The following MKRN1 variants were observed in gnomAD, a reference collection of about 807,000 sequenced individuals.
MKRN1 encodes makorin ring finger protein 1.
MKRN1 carries 9 observed loss-of-function variants against 55.5 expected under a neutral mutation model. The observed-to-expected ratio is 0.16, with a 90% confidence interval of 0.10 to 0.28. The LOEUF is 0.28. MKRN1 is among the 10% of genes least tolerant of loss of function. The probability of loss-of-function intolerance (pLI) is 1.00; values close to 1 mark genes in which losing one functional copy is unlikely to be tolerated. For synonymous variants in MKRN1, 253 were observed against 235.9 expected (o/e 1.07, Z -0.66); for missense variants, 488 against 626.7 (o/e 0.78, Z 2.36).
At chr7:140,475,172 T>C (rs1417923743) in intron 1 of MKRN1, 2 of 400,626 alleles carry the variant, frequency 5.0e-6, no homozygotes, top group African/African-American at 2.2e-5. Flanking sequence ...TGAAACCCCA[T>C]CTCTACTAAA....
At position 140,459,148 on chromosome 7, in the gene MKRN1, C is replaced by A. The variant is rs1204647932; in HGVS notation, c.630G>T (p.Lys210Asn). 6.2e-7 allele frequency: 1 copy of A among 1,613,954 alleles called. No homozygotes were observed. Among genetic ancestry groups the A allele is most frequent in the Non-Finnish European group, 8.5e-7 (1 of 1,179,864 alleles). Reference protein sequence around the residue: ...SEKEQTAVETKKQLCPYAAVG... With the variant: ...SEKEQTAVETNKQLCPYAAVG... ...CTGCAGCATAGGGGCACAGCTGCTT[C>A]TTTGTCTCCACGGCGGTTTGCTCTT... The change falls in exon 4 of 8, where the codon AAG becomes AAT. Residue 210 changes from lysine (K) to asparagine (N), a missense_variant. Coordinates refer to ENST00000255977, the MANE Select transcript of MKRN1 (RefSeq NM_013446.4).
chr7:140,474,721 CTT>C (rs10706027), intron 1 of MKRN1, among the ~76,000 whole-genome samples: 70 of 138,998 alleles, frequency 5.0e-4, no homozygotes, highest in African/African-American at 1.1e-3. Flanking sequence ...TTCCTTCTTT[CTT>C]TTTTTTTTTT....
chr7:140,456,146 T>TA (rs556675115), intron 5 of MKRN1: 586 of 1,171,120 alleles, frequency 5.0e-4, no homozygotes, highest in Non-Finnish European at 5.9e-4. Flanking sequence ...ATAACTTAGG[T>TA]AAAAAACAAA....
At chr7:140,470,533 C>T (rs1347674470) in intron 2 of MKRN1, among the ~76,000 whole-genome samples, 6 of 149,906 alleles carry the variant, frequency 4.0e-5, no homozygotes, top group South Asian at 2.1e-4. Context: ...TGCAGTGAGC[C>T]GAAATTGCGC....
intron 2 of MKRN1, among the ~76,000 whole-genome samples, chr7:140,463,667 C>G (rs929752032): frequency 3.9e-5 from 6 of 151,980 alleles, no homozygotes; most frequent in African/African-American, 1.4e-4. Context: ...GGGCGGATCA[C>G]AAGGTCAGGA....
At chr7:140,478,917 A>C in intron 1 of MKRN1, 1 of 354,792 alleles carries the variant, frequency 2.8e-6, no homozygotes, top group Non-Finnish European at 4.8e-6. Context: ...GCTCCGCAGT[A>C]ATCGCGCACC....
At chr7:140,474,349 A>AC (rs1491223682) in intron 1 of MKRN1, 83 of 227,600 alleles carry the variant, frequency 3.6e-4, no homozygotes, top group African/African-American at 1.7e-3. Context: ...TACAAAAAAA[A>AC]CAAACAATTA....
chr7:140,473,210 C>CAA (rs534529617), intron 1 of MKRN1: 9,200 of 365,024 alleles, frequency 0.025, 37 homozygotes, highest in African/African-American at 0.043. Context: ...ATGATACCAC[C>CAA]AAAAAAAAAA....
At chr7:140,468,834 CAA>C (rs1220094333) in intron 2 of MKRN1, among the ~76,000 whole-genome samples, 2 of 149,616 alleles carry the variant, frequency 1.3e-5, no homozygotes, top group African/African-American at 2.5e-5. Context: ...AGCAACTAAA[CAA>C]AGTTTCTATG....
intron 4 of MKRN1, 90 bp downstream of exon 4, chr7:140,458,917 A>C (rs1175690169): frequency 1.5e-6 from 2 of 1,366,066 alleles, no homozygotes; most frequent in Non-Finnish European, 2.0e-6. Flanking sequence ...CAATTCATCA[A>C]ATGTTTCTCT....
At position 140,479,209 on chromosome 7, in the gene MKRN1, C is replaced by T; in HGVS notation, c.136G>A (p.Gly46Ser). Residue 46 changes from glycine (G) to serine (S), a missense_variant, in exon 1 of 8, where the codon GGC (glycine) becomes AGC (serine). Gly to Ser is a moderately conservative substitution (Grantham distance 56, BLOSUM62 0). Transcript: ENST00000255977. ...APSLGAGGGG[G>S]GSDGSGGGWT... ...CCGCCGCCGCTGCCGTCGCTGCCGC[C>T]GCCCCCTCCGCCCGCCCCCAGGGAC... 6.8e-7 allele frequency: 1 copy of T among 1,464,132 alleles called. No homozygotes were observed. Among genetic ancestry groups the T allele is most frequent in the Non-Finnish European group, 9.0e-7 (1 of 1,108,726 alleles). 90.7% of individuals were successfully genotyped at this position (1,464,132 alleles called of 1,614,324 possible).
At chr7:140,471,787 T>C (rs1039274405) in intron 2 of MKRN1, 96 bp downstream of exon 2, 3 of 1,492,610 alleles carry the variant, frequency 2.0e-6, no homozygotes, top group Admixed American at 2.0e-5. Flanking sequence ...TTTCAAAGCA[T>C]TATTTTTAAT....
chr7:140,459,282 A>T, intron 3 of MKRN1, 49 bp from the exon 4 acceptor site: 2 of 1,566,504 alleles, frequency 1.3e-6, no homozygotes, highest in African/African-American at 2.7e-5. Context: ...TAAGGCATGA[A>T]CTATAAGAGA....
chr7:140,463,125 T>C (rs1794671064), intron 2 of MKRN1, among the ~76,000 whole-genome samples: 1 of 152,216 alleles, frequency 6.6e-6, no homozygotes, highest in South Asian at 2.1e-4. Flanking sequence ...CTCTTAAGCC[T>C]TAGGTAAACT....
In MKRN1 at chr7:140,454,288, C is replaced by A. The variant is rs1794406731; in HGVS notation, c.*229G>T. 3.2e-5 allele frequency: 18 copies of A among 560,166 alleles called. 1 individual carries two copies. The South Asian group carries it at 3.8e-4, about 12-fold the overall frequency. 34.7% of individuals were successfully genotyped at this position (560,166 alleles called of 1,614,324 possible). On this transcript the variant is annotated 3_prime_UTR_variant, in exon 8 of 8. Coordinates refer to ENST00000255977, the MANE Select transcript of MKRN1 (RefSeq NM_013446.4). Reference sequence around the variant, plus strand: ...CTGTCTGACAGTTAAATTCGTGTTACAAAAAACTAACTTTAAGATTTATTT... The same window carrying A: ...CTGTCTGACAGTTAAATTCGTGTTAAAAAAAACTAACTTTAAGATTTATTT...
Position 140,453,219 on chromosome 7 carries a change from T to G in MKRN1, c.*1298A>C, listed in dbSNP as rs1794379129. ...AACCAGGAGCATCCCCGAGTTATTT[T>G]CAGGAAACAGAGCAACAAAACACAA... On this transcript the variant is annotated 3_prime_UTR_variant, in exon 8 of 8. Transcript: ENST00000255977. The G allele has an allele frequency of 6.6e-6, 1 of 152,586 alleles. No individual in the cohort carries two copies. Among genetic ancestry groups the G allele is most frequent in the African/African-American group, 2.4e-5 (1 of 41,446 alleles). The allele number at this position is 152,586 out of a possible 1,614,324, so 9.5% of individuals were successfully genotyped here. A position where few individuals can be genotyped will look rare whatever the true frequency, so the allele number is the denominator to read the frequency against.
chr7:140,479,283 GCCGCTGCCGCTC>G lies in MKRN1; in HGVS notation c.50_61del (p.Gly17_Ala20del), dbSNP rs1795220753. 1 of 1,387,032 alleles carries G rather than the reference GCCGCTGCCGCTC, an allele frequency of 7.2e-7. No individual in the cohort carries two copies. Among genetic ancestry groups the G allele is most frequent in the East Asian group, 3.1e-5 (1 of 32,720 alleles). The allele number at this position is 1,387,032 out of a possible 1,614,324, so 85.9% of individuals were successfully genotyped here. A position where few individuals can be genotyped will look rare whatever the true frequency, so the allele number is the denominator to read the frequency against. The stretch of plus-strand genomic sequence containing the variant: ...GGTGGGGGAGGCTGCTGCCGCCGTC[GCCGCTGCCGCTC>G]CTGCTCCTGATGTTGTGGCTGTTGT... On this transcript the variant is annotated inframe_deletion, in exon 1 of 8. Transcript: ENST00000255977.
rs1467068819 is a variant in MKRN1 at position 140,479,283 on chromosome 7, G to A, written c.62C>T (p.Ala21Val). The change falls in exon 1 of 8, where the codon GCG (alanine) becomes GTG (valine). Residue 21 changes from alanine to valine, a missense_variant. Ala to Val is a moderately conservative substitution (Grantham distance 64). Transcript: ENST00000255977. Reference protein sequence around the residue: ...ATTSGAGAAAATAAAASPTPI... With the variant: ...ATTSGAGAAAVTAAAASPTPI... ...GGTGGGGGAGGCTGCTGCCGCCGTCGCCGCTGCCGCTCCTGCTCCTGATGT... is the reference window on the plus strand; with the variant it reads ...GGTGGGGGAGGCTGCTGCCGCCGTCACCGCTGCCGCTCCTGCTCCTGATGT... 30 of 1,387,030 alleles carry A rather than the reference G, an allele frequency of 2.2e-5. No individual in the cohort carries two copies. Among genetic ancestry groups the A allele is most frequent in the Non-Finnish European group, 2.4e-5 (26 of 1,070,330 alleles). 85.9% of individuals were successfully genotyped at this position (1,387,030 alleles called of 1,614,324 possible).
chr7:140,474,005 A>G lies in MKRN1; in HGVS notation c.186-1994T>C, dbSNP rs865882330. ...GAAACTCCGTCTCAAAAAAAAAAAA[A>G]AAAGAAAGAAAGAAAGAAAGAAAGA... On this transcript the variant is annotated intron_variant, in intron 1 of 7. Coordinates refer to ENST00000255977, the MANE Select transcript of MKRN1 (RefSeq NM_013446.4). Among the ~76,000 whole-genome samples the G allele has an allele frequency of 4.0e-3, 261 of 65,508 alleles. 1 individual carries two copies. Among genetic ancestry groups the G allele is most frequent in the African/African-American group, 0.016 (166 of 10,310 alleles). 43.0% of individuals were successfully genotyped at this position (65,508 alleles called of 152,430 possible). A position where few individuals can be genotyped will look rare whatever the true frequency, so the allele number is the denominator to read the frequency against.
Sources: gnomAD v4.1 joint callset for allele counts (sites outside exome capture counted in the v4.1 genomes callset) on GRCh38, gnomAD v4.1.1 for gene constraint, MANE v1.5 for transcripts, NCBI Gene and HGNC (gene_info 2026-07-23, HGNC 2026-07-21) for gene names.